The following CLGN variants were observed in gnomAD, a reference collection of about 807,000 sequenced individuals.
CLGN encodes the protein testis tissue sperm-binding protein Li 79P.
Under a neutral mutation model 79.1 loss-of-function variants are expected in CLGN, and 62 were observed. The ratio of observed to expected loss-of-function variants is 0.78; its 90% CI spans 0.64 to 0.97. The LOEUF is 0.97. Among genes scored for constraint, CLGN ranks in the 50% least tolerant of loss-of-function variants. The pLI, the probability that CLGN is intolerant of heterozygous loss-of-function variation, is 0.00. For synonymous variants in CLGN, 225 were observed against 224.7 expected (o/e 1.00, Z -0.01); for missense variants, 647 against 715.5 (o/e 0.90, Z 1.09).
At chr4:140,405,593 A>G (rs1370734629) in intron 5 of CLGN, among the ~76,000 whole-genome samples, 17 of 152,208 alleles carry the variant, frequency 1.1e-4, no homozygotes, top group Admixed American at 9.8e-4. Flanking sequence ...TAATTTTTAA[A>G]TTTTTTTAAG....
chr4:140,426,370 A>G lies in CLGN; in HGVS notation c.-10+1167T>C, dbSNP rs1729567160. On this transcript the variant is annotated intron_variant, in intron 1 of 14. Coordinates refer to ENST00000325617, the MANE Select transcript of CLGN (RefSeq NM_004362.3). ...AACACTTCAATTTCTAGACAAATGC[A>G]TCAACATACTTACATCATTTACACA... Among the ~76,000 whole-genome samples, 4 of 152,266 alleles carry G rather than the reference A, an allele frequency of 2.6e-5. No individual in the cohort carries two copies. In the South Asian group the frequency reaches 8.3e-4, roughly 32 times the overall value.
In CLGN at chr4:140,390,725, T is replaced by C. The variant is rs1200982644; in HGVS notation, c.1655A>G (p.Glu552Gly). The C allele has an allele frequency of 1.9e-6, 3 of 1,594,286 alleles. No homozygotes were observed. The highest frequency in any genetic ancestry group is 2.6e-6 in the Non-Finnish European group (3 of 1,168,076). Residue 552 changes from glutamate to glycine, a missense_variant, in exon 14 of 15, where the codon GAG (glutamate) becomes GGG (glycine). Physicochemically the swap from Glu to Gly is moderately conservative, Grantham distance 98. Coordinates refer to ENST00000325617, the MANE Select transcript of CLGN (RefSeq NM_004362.3). ...QNDGEMLEKE[E>G]ESEPEEKSEE... ...ACTCTTTTCCTCAGGTTCACTTTCC[T>C]CTTCTAGAATACAGATTTTGTTAAA...
intron 1 of CLGN, among the ~76,000 whole-genome samples, chr4:140,422,419 G>A (rs950983820): frequency 6.6e-6 from 1 of 151,966 alleles, no homozygotes; most frequent in Admixed American, 6.6e-5. Context: ...ATTAATATTT[G>A]TTTCTTAATT....
intron 13 of CLGN, among the ~76,000 whole-genome samples, chr4:140,391,295 G>T (rs190471531): frequency 6.6e-6 from 1 of 151,840 alleles, no homozygotes; most frequent in African/African-American, 2.4e-5. Flanking sequence ...TCCAATGTGG[G>T]ACTACGTGTA....
intron 1 of CLGN, among the ~76,000 whole-genome samples, chr4:140,413,370 G>A (rs1441347681): frequency 2.0e-5 from 3 of 152,174 alleles, no homozygotes; most frequent in Non-Finnish European, 2.9e-5. Flanking sequence ...GGCCGAATAG[G>A]AACAGCTCCC....
intron 3 of CLGN, 103 bp downstream of exon 3, chr4:140,410,450 T>A (rs1401127212): frequency 8.7e-5 from 65 of 747,596 alleles, no homozygotes. Context: ...TACTTTAAAA[T>A]TTTTTATAGA....
intron 5 of CLGN, among the ~76,000 whole-genome samples, chr4:140,402,495 T>A (rs1357915347): frequency 1.3e-5 from 2 of 152,086 alleles, no homozygotes; most frequent in East Asian, 1.9e-4. Context: ...TTGCTAATGA[T>A]CTTAGATACC....
Position 140,392,197 on chromosome 4 carries a change from T to G in CLGN, c.1651+22A>C, listed in dbSNP as rs763034849. On this transcript the variant is annotated intron_variant, in intron 13 of 14. Transcript: ENST00000325617. Reference sequence around the variant, plus strand: ...TGAGCTTTACCCAGAGTCTCCATTATAAATCACTCTCATCATCTTACCTTT... The same window carrying G: ...TGAGCTTTACCCAGAGTCTCCATTAGAAATCACTCTCATCATCTTACCTTT... 7 of 1,609,546 alleles carry G rather than the reference T, an allele frequency of 4.3e-6. No individual in the cohort carries two copies. The South Asian group carries it at 7.8e-5, about 18-fold the overall frequency.
chr4:140,405,247 G>A (rs1454901549), intron 5 of CLGN, among the ~76,000 whole-genome samples: 2 of 145,450 alleles, frequency 1.4e-5, no homozygotes, highest in African/African-American at 5.0e-5. Flanking sequence ...TGCAGTGGCG[G>A]GATCTCGGCT....
chr4:140,408,047 T>G (rs185611634), intron 4 of CLGN, among the ~76,000 whole-genome samples: 1 of 152,194 alleles, frequency 6.6e-6, no homozygotes, highest in African/African-American at 2.4e-5. Context: ...TAACTGATCT[T>G]TGACCAAGCA....
At chr4:140,421,979 A>G (rs10012138) in intron 1 of CLGN, among the ~76,000 whole-genome samples, 85,579 of 151,938 alleles carry the variant, frequency 0.56, 26,124 homozygotes, top group Non-Finnish European at 0.7. Flanking sequence ...GTAAGGTTAC[A>G]ACCTCATTCT....
At chr4:140,414,671 G>A (rs1267951131) in intron 1 of CLGN, among the ~76,000 whole-genome samples, 4 of 145,094 alleles carry the variant, frequency 2.8e-5, no homozygotes, top group African/African-American at 1.0e-4. Flanking sequence ...AAAGAAATGA[G>A]CAAAGCCTCC....
chr4:140,421,942 C>A (rs958559813), intron 1 of CLGN, among the ~76,000 whole-genome samples: 2 of 152,020 alleles, frequency 1.3e-5, no homozygotes, highest in African/African-American at 2.4e-5. Context: ...CAATCCATTT[C>A]GAGTTAATTT....
chr4:140,415,978 G>T (rs1729321507), intron 1 of CLGN, among the ~76,000 whole-genome samples: 2 of 43,746 alleles, frequency 4.6e-5, no homozygotes, highest in Non-Finnish European at 8.7e-5. Flanking sequence ...AAATGTAAAA[G>T]AACAGAAATT....
intron 5 of CLGN, among the ~76,000 whole-genome samples, chr4:140,402,615 C>T (rs1184058973): frequency 6.6e-6 from 1 of 151,928 alleles, no homozygotes; most frequent in Non-Finnish European, 1.5e-5. Flanking sequence ...ACCTAAACAG[C>T]CAGGAGATAT....
At chr4:140,390,895 T>C (rs1728760183) in intron 13 of CLGN, among the ~76,000 whole-genome samples, 167 bp from the exon 14 acceptor site, 2 of 151,812 alleles carry the variant, frequency 1.3e-5, no homozygotes, top group Admixed American at 1.3e-4. Flanking sequence ...ACTCATTATA[T>C]TATCATATTT....
At chr4:140,392,434 T>A (rs1264093378) in intron 12 of CLGN, 56 bp from the exon 13 acceptor site, 1 of 1,528,712 alleles carries the variant, frequency 6.5e-7, no homozygotes, top group East Asian at 2.3e-5. Context: ...TTTTGAAAGT[T>A]TTTTTGCAAT....
intron 11 of CLGN, among the ~76,000 whole-genome samples, chr4:140,393,388 G>A (rs1728811971): frequency 6.6e-6 from 1 of 151,992 alleles, no homozygotes; most frequent in African/African-American, 2.4e-5. Context: ...TCTAAACAGT[G>A]TTAAGGTTTC....
At chr4:140,420,254 A>T (rs887189202) in intron 1 of CLGN, among the ~76,000 whole-genome samples, 3 of 152,162 alleles carry the variant, frequency 2.0e-5, no homozygotes, top group Non-Finnish European at 2.9e-5. Context: ...AGAGCACCCC[A>T]GTTTTATTTG....
Sources: gnomAD v4.1 joint callset for allele counts (sites outside exome capture counted in the v4.1 genomes callset) on GRCh38, gnomAD v4.1.1 for gene constraint, MANE v1.5 for transcripts, NCBI Gene and HGNC (gene_info 2026-07-23, HGNC 2026-07-21) for gene names.